Variants in TAFA2 observed in about 807,000 individuals in gnomAD.
The protein encoded by TAFA2 is TAFA chemokine like family member 2.
TAFA2 carries 7 observed loss-of-function variants against 18.8 expected under a neutral mutation model. The ratio of observed to expected loss-of-function variants is 0.37; its 90% CI spans 0.21 to 0.70. The LOEUF is 0.70. Ranked by LOEUF, TAFA2 falls within the 30% of genes least tolerant of loss-of-function variation. The probability of loss-of-function intolerance (pLI) is 0.53; values close to 1 mark genes in which losing one functional copy is unlikely to be tolerated. For missense variants in TAFA2, 122 were observed against 158.1 expected (o/e 0.77, Z 1.23); for synonymous variants, 60 against 54.2 (o/e 1.11, Z -0.47).
intron 2 of TAFA2, among the ~76,000 whole-genome samples, chr12:61,850,368 T>C (rs1351548907): frequency 6.6e-6 from 1 of 151,858 alleles, no homozygotes; most frequent in Non-Finnish European, 1.5e-5. Flanking sequence ...TTATCTTATC[T>C]AAATATATTA....
intron 1 of TAFA2, among the ~76,000 whole-genome samples, chr12:62,168,184 C>T (rs2062452917): frequency 1.3e-5 from 2 of 152,040 alleles, no homozygotes; most frequent in African/African-American, 4.8e-5. Flanking sequence ...GAGATAGTCT[C>T]ACCAATAAAT....
rs1882443941 is a variant in TAFA2, at chr12:62,064,784, C to G, written c.-2+126475G>C. ...TGTATTAATCCATCTGCAAACCTGT[C>G]ACAAATTGTGGTCAGTAATAGCTTC... On this transcript the variant is annotated intron_variant, in intron 1 of 4. Coordinates refer to ENST00000416284, the MANE Select transcript of TAFA2 (RefSeq NM_178539.5). Among the ~76,000 whole-genome samples the G allele has an allele frequency of 5.9e-5, 9 of 151,962 alleles. 1 individual carries two copies. In the South Asian group the frequency reaches 1.9e-3, roughly 31 times the overall value.
chr12:62,126,531 T>G (rs1381986638), intron 1 of TAFA2, among the ~76,000 whole-genome samples: 1 of 152,038 alleles, frequency 6.6e-6, no homozygotes, highest in African/African-American at 2.4e-5. Flanking sequence ...TTTGAGCAGG[T>G]TTGCTGGCAT....
intron 1 of TAFA2, among the ~76,000 whole-genome samples, chr12:62,062,868 C>T (rs1054168250): frequency 2.0e-5 from 3 of 152,092 alleles, no homozygotes; most frequent in Non-Finnish European, 2.9e-5. Flanking sequence ...TAAAGGCCAC[C>T]GCATTCCTTG....
At chr12:61,820,590 G>T (rs1490354056) in intron 2 of TAFA2, among the ~76,000 whole-genome samples, 2 of 151,750 alleles carry the variant, frequency 1.3e-5, no homozygotes, top group Admixed American at 6.6e-5. Context: ...AGGAAAAAAA[G>T]AAATAAAAAA....
intron 4 of TAFA2, among the ~76,000 whole-genome samples, chr12:61,723,050 A>C (rs1299368101): frequency 6.6e-6 from 1 of 152,114 alleles, no homozygotes; most frequent in African/African-American, 2.4e-5. Context: ...AGTCATGCCT[A>C]CTTAATCCTA....
At chr12:62,101,174 CCCCT>C (rs1184470172) in intron 1 of TAFA2, among the ~76,000 whole-genome samples, 3 of 152,032 alleles carry the variant, frequency 2.0e-5, no homozygotes, top group African/African-American at 7.3e-5. Flanking sequence ...TCCTAAGAGA[CCCCT>C]CAAATATAAG....
intron 1 of TAFA2, among the ~76,000 whole-genome samples, chr12:61,936,540 C>G (rs1182343137): frequency 6.6e-6 from 1 of 151,930 alleles, no homozygotes; most frequent in East Asian, 1.9e-4. Context: ...TGCACTCCAG[C>G]CTGGGTGACA....
intron 2 of TAFA2, among the ~76,000 whole-genome samples, chr12:61,774,006 GAAAC>G (rs1452043994): frequency 2.0e-5 from 3 of 151,658 alleles, no homozygotes; most frequent in East Asian, 3.9e-4. Flanking sequence ...AAATCAGCAA[GAAAC>G]AAACAATCCC....
intron 1 of TAFA2, among the ~76,000 whole-genome samples, chr12:61,874,976 C>A (rs772821622): frequency 3.3e-5 from 5 of 151,896 alleles, no homozygotes; most frequent in Non-Finnish European, 5.9e-5. Flanking sequence ...TGTGAAAAAT[C>A]AGAGGTGTTA....
At chr12:62,034,504 G>A (rs1881548994) in intron 1 of TAFA2, among the ~76,000 whole-genome samples, 1 of 151,920 alleles carries the variant, frequency 6.6e-6, no homozygotes, top group South Asian at 2.1e-4. Flanking sequence ...TTTTAATAAG[G>A]ATATTCAGTC....
intron 2 of TAFA2, among the ~76,000 whole-genome samples, chr12:61,783,310 A>G (rs1870584593): frequency 6.6e-6 from 1 of 151,736 alleles, no homozygotes; most frequent in African/African-American, 2.4e-5. Context: ...TGTTTTGGTT[A>G]AGAAAACTTC....
chr12:61,723,292 C>T (rs184437779), intron 4 of TAFA2, among the ~76,000 whole-genome samples: 3 of 152,130 alleles, frequency 2.0e-5, no homozygotes, highest in Admixed American at 6.6e-5. Flanking sequence ...CATTTTGTTT[C>T]GTCAGTGCTA....
chr12:62,012,207 G>A (rs1880793949), intron 1 of TAFA2, among the ~76,000 whole-genome samples: 1 of 152,126 alleles, frequency 6.6e-6, no homozygotes, highest in Non-Finnish European at 1.5e-5. Flanking sequence ...CTGGTGCATT[G>A]AGAAACATCA....
chr12:61,843,370 CA>C (rs1430597681), intron 2 of TAFA2, among the ~76,000 whole-genome samples: 1 of 151,830 alleles, frequency 6.6e-6, no homozygotes, highest in African/African-American at 2.4e-5. Flanking sequence ...TTAAGAGAAA[CA>C]AAAAATGAGG....
intron 1 of TAFA2, among the ~76,000 whole-genome samples, chr12:62,257,530 G>T (rs1405626152): frequency 2.0e-5 from 3 of 152,120 alleles, no homozygotes; most frequent in African/African-American, 7.2e-5. Context: ...TTACTAGAGG[G>T]TAAAGGAATC....
At chr12:62,235,292 A>C in intron 1 of TAFA2, 1 of 668,736 alleles carries the variant, frequency 1.5e-6, no homozygotes, top group Middle Eastern at 2.6e-4. Context: ...CTGATGCCTC[A>C]ACAGACAACA....
chr12:61,714,965 T>C (rs1869580407), intron 4 of TAFA2, among the ~76,000 whole-genome samples: 1 of 152,192 alleles, frequency 6.6e-6, no homozygotes, highest in African/African-American at 2.4e-5. Context: ...TTTCTAACAC[T>C]ATGGGGTTGA....
At chr12:61,923,423 C>A (rs1226449504) in intron 1 of TAFA2, among the ~76,000 whole-genome samples, 1 of 152,200 alleles carries the variant, frequency 6.6e-6, no homozygotes, top group Non-Finnish European at 1.5e-5. Flanking sequence ...GTTCTGCAGC[C>A]TCTGCTGGTG....
Sources: gnomAD v4.1 joint callset for allele counts (sites outside exome capture counted in the v4.1 genomes callset) on GRCh38, gnomAD v4.1.1 for gene constraint, MANE v1.5 for transcripts, NCBI Gene and HGNC (gene_info 2026-07-23, HGNC 2026-07-21) for gene names.